Variants in PCLAF observed in about 807,000 individuals in gnomAD.
The protein encoded by PCLAF is PCNA-associated factor.
Under a neutral mutation model 15.1 loss-of-function variants are expected in PCLAF, and 12 were observed. That is an observed-to-expected ratio of 0.79 (90% CI 0.51 to 1.29). The LOEUF is 1.29. Ranked by LOEUF, PCLAF falls within the 50% of genes most tolerant of loss-of-function variation. The probability of loss-of-function intolerance (pLI) is 0.00; values close to 1 mark genes in which losing one functional copy is unlikely to be tolerated. For synonymous variants in PCLAF, 33 were observed against 47.1 expected (o/e 0.70, Z 1.22); for missense variants, 116 against 130.9 (o/e 0.89, Z 0.56).
Position 64,376,925 on chromosome 15 carries a change from G to A in PCLAF, c.128-20C>T. 6.2e-7 allele frequency: 1 copy of A among 1,604,584 alleles called. No homozygotes were observed. The highest frequency in any genetic ancestry group is 8.5e-7 in the Non-Finnish European group (1 of 1,173,982). On this transcript the variant is annotated intron_variant, in intron 2 of 3. Transcript: ENST00000300035. ...TTTCAGCTGTAAAATATAAACAGAT[G>A]GAACTAGATAAGTGCTAATAATACA...
At chr15:64,382,602 T>G (rs1413896678), upstream of PCLAF, 1 of 153,414 alleles carries the variant, frequency 6.5e-6, no homozygotes, top group Non-Finnish European at 1.5e-5. Flanking sequence ...GGGTCATAAT[T>G]TTTTTCTATC....
At chr15:64,370,636 T>C (rs1899252425) in intron 3 of PCLAF, among the ~76,000 whole-genome samples, 1 of 151,516 alleles carries the variant, frequency 6.6e-6, no homozygotes, top group Admixed American at 6.6e-5. Context: ...TTCAAAATGT[T>C]GGGATTACAG....
intron 3 of PCLAF, among the ~76,000 whole-genome samples, chr15:64,375,122 T>G (rs1205364798): frequency 3.3e-5 from 5 of 152,036 alleles, no homozygotes; most frequent in Non-Finnish European, 5.9e-5. Flanking sequence ...ATTTTTATTT[T>G]TATTTTACTT....
intron 3 of PCLAF, chr15:64,373,656 G>A: frequency 1.3e-6 from 2 of 1,532,068 alleles, no homozygotes; most frequent in Non-Finnish European, 1.7e-6. Context: ...AGCAGCGCCA[G>A]AAGTAGCAGA....
intron 3 of PCLAF, among the ~76,000 whole-genome samples, chr15:64,372,908 A>G (rs1899403300): frequency 2.0e-5 from 3 of 152,164 alleles, no homozygotes; most frequent in Admixed American, 2.0e-4. Flanking sequence ...CGAAGGTTGC[A>G]GTGAGCCAAG....
Position 64,387,397 on chromosome 15 carries a change from AT to A in PCLAF, n.241+49del, listed in dbSNP as rs748549440. On this transcript the variant is annotated intron_variant and non_coding_transcript_variant, in intron 1 of 1. Coordinates refer to the PCLAF transcript ENST00000558250. ...ACTCCGTCTCAAAATAAATAAATAA[AT>A]TAATTAATTAATTAAAAAATTAAAA... is the stretch of plus-strand genomic sequence containing the variant. The A allele has an allele frequency of 8.8e-6, 9 of 1,021,196 alleles. No individual in the cohort carries two copies. In the African/African-American group the frequency reaches 1.7e-4, roughly 20 times the overall value. 63.3% of individuals were successfully genotyped at this position (1,021,196 alleles called of 1,614,324 possible). A position where few individuals can be genotyped will look rare whatever the true frequency, so the allele number is the denominator to read the frequency against.
chr15:64,377,488 A>AAT lies in PCLAF; in HGVS notation c.128-585_128-584dup, dbSNP rs1166593614. Among the ~76,000 whole-genome samples, 59 of 29,302 alleles carry AAT rather than the reference A, an allele frequency of 2.0e-3. 1 individual carries two copies. The highest frequency in any genetic ancestry group is 9.3e-3 in the South Asian group (4 of 432). 19.2% of individuals were successfully genotyped at this position (29,302 alleles called of 152,430 possible). A position where few individuals can be genotyped will look rare whatever the true frequency, so the allele number is the denominator to read the frequency against. On this transcript the variant is annotated intron_variant, in intron 2 of 3. Transcript: ENST00000300035. ...TCTGTCTCAAAAAAAAAAAAAAAAA[A>AAT]ATATATATATATATATATATATATA...
At position 64,365,801 on chromosome 15, in the gene PCLAF, A is replaced by G. The variant is rs1396682476; in HGVS notation, c.*229T>C. The G allele has an allele frequency of 1.2e-5, 6 of 501,332 alleles. No homozygotes were observed. Among genetic ancestry groups the G allele is most frequent in the African/African-American group, 1.2e-4 (6 of 50,508 alleles). 31.1% of individuals were successfully genotyped at this position (501,332 alleles called of 1,614,324 possible). On this transcript the variant is annotated 3_prime_UTR_variant, in exon 4 of 4. Coordinates refer to ENST00000300035, the MANE Select transcript of PCLAF (RefSeq NM_014736.6). ...GCAAGAACTAGACACTTAATTTGGT[A>G]AAAGAAACCAAACAATGCATTATAT...
intron 2 of PCLAF, among the ~76,000 whole-genome samples, chr15:64,378,675 G>C (rs190601117): frequency 2.0e-5 from 3 of 152,274 alleles, no homozygotes; most frequent in East Asian, 1.9e-4. Flanking sequence ...CACTTTGTGA[G>C]GCCGAGGCAG....
At chr15:64,370,700 C>A (rs1402396544) in intron 3 of PCLAF, among the ~76,000 whole-genome samples, 2 of 151,908 alleles carry the variant, frequency 1.3e-5, no homozygotes, top group Admixed American at 6.6e-5. Flanking sequence ...GGCTTCTATA[C>A]ATCAAGGCAG....
chr15:64,379,585 G>C (rs1899746127), intron 2 of PCLAF, among the ~76,000 whole-genome samples: 1 of 152,124 alleles, frequency 6.6e-6, no homozygotes, highest in African/African-American at 2.4e-5. Flanking sequence ...TTTATCTGAA[G>C]AGATAGAAAT....
chr15:64,371,854 C>T lies in PCLAF; in HGVS notation c.290+4889G>A, dbSNP rs189370429. 2.4e-3 allele frequency among the ~76,000 whole-genome samples: 358 copies of T among 152,202 alleles called. 1 individual carries two copies. Among genetic ancestry groups the T allele is most frequent in the Non-Finnish European group, 3.8e-3 (259 of 68,016 alleles). On this transcript the variant is annotated intron_variant, in intron 3 of 3. Transcript: ENST00000300035. ...TCTAGTGATCTGCCCACCTTGGCCT[C>T]CCAAAGTGCTGGGATTACAGGCATT... is the stretch of plus-strand genomic sequence containing the variant.
At chr15:64,381,725 G>GA (rs1360874661), upstream of PCLAF, among the ~76,000 whole-genome samples, 1 of 152,204 alleles carries the variant, frequency 6.6e-6, no homozygotes, top group Non-Finnish European at 1.5e-5. Flanking sequence ...GCTTAGAAAA[G>GA]AAAACCTAGC....
intron 3 of PCLAF, chr15:64,373,569 A>G: frequency 7.0e-7 from 1 of 1,424,284 alleles, no homozygotes; most frequent in Non-Finnish European, 9.2e-7. Context: ...GCACTGTTGG[A>G]GGGCTTTGTG....
intron 1 of PCLAF, 63 bp from the exon 2 acceptor site, chr15:64,381,101 G>T (rs990543567): frequency 6.7e-7 from 1 of 1,499,778 alleles, no homozygotes; most frequent in Non-Finnish European, 9.3e-7. Flanking sequence ...CCGAGTCCTG[G>T]ACCCCAGCAG....
In PCLAF at chr15:64,377,233, T is replaced by C. The variant is rs568934161; in HGVS notation, c.128-328A>G. ...CTGTAATCCCAGCACTTTGGGAGGC[T>C]GAGGAGGGTGGATCACAAGGTCAGG... is the stretch of plus-strand genomic sequence containing the variant. On this transcript the variant is annotated intron_variant, in intron 2 of 3. Transcript: ENST00000300035. Among the ~76,000 whole-genome samples, 40 of 151,368 alleles carry C rather than the reference T, an allele frequency of 2.6e-4. No homozygotes were observed. The East Asian group carries it at 7.7e-3, about 29-fold the overall frequency.
chr15:64,374,065 G>A (rs1374544229), intron 3 of PCLAF, among the ~76,000 whole-genome samples: 2 of 151,986 alleles, frequency 1.3e-5, no homozygotes, highest in African/African-American at 4.8e-5. Flanking sequence ...TTAGCACAGG[G>A]TATGAGAAGA....
chr15:64,368,453 C>T (rs182820830), intron 3 of PCLAF, among the ~76,000 whole-genome samples: 143 of 152,190 alleles, frequency 9.4e-4, no homozygotes, highest in African/African-American at 2.5e-3. Flanking sequence ...TTTGTGCAAG[C>T]GCCTGATTTA....
At chr15:64,371,032 A>G (rs1297766896) in intron 3 of PCLAF, among the ~76,000 whole-genome samples, 1 of 147,148 alleles carries the variant, frequency 6.8e-6, no homozygotes, top group Non-Finnish European at 1.5e-5. Context: ...GCAGTAGCGC[A>G]ATCTCGGCTC....
Sources: gnomAD v4.1 joint callset for allele counts (sites outside exome capture counted in the v4.1 genomes callset) on GRCh38, gnomAD v4.1.1 for gene constraint, MANE v1.5 for transcripts, NCBI Gene and HGNC (gene_info 2026-07-23, HGNC 2026-07-21) for gene names.